The following APBA2 variants were observed in gnomAD, a reference collection of about 807,000 sequenced individuals.
APBA2 encodes amyloid-beta A4 precursor protein-binding family A member 2.
Under a neutral mutation model 75.0 loss-of-function variants are expected in APBA2, and 30 were observed. The ratio of observed to expected loss-of-function variants is 0.40; its 90% CI spans 0.30 to 0.54. APBA2 has a LOEUF of 0.54. APBA2 is among the 20% of genes least tolerant of loss of function. The pLI, the probability that APBA2 is intolerant of heterozygous loss-of-function variation, is 0.49. For missense variants in APBA2, 801 were observed against 1,016.1 expected, an observed-to-expected ratio of 0.79 and a Z score of 2.88; for synonymous variants, 444 against 409.6, an observed-to-expected ratio of 1.08 and a Z score of -1.01.
intron 4 of APBA2, among the ~76,000 whole-genome samples, chr15:29,069,097 A>G (rs1348856028): frequency 6.6e-6 from 1 of 152,356 alleles, no homozygotes; most frequent in Non-Finnish European, 1.5e-5. Flanking sequence ...TATTCCATAA[A>G]GATAGGATCA....
intron 1 of APBA2, among the ~76,000 whole-genome samples, chr15:28,890,968 A>T (rs146763594): frequency 6.6e-6 from 1 of 152,282 alleles, no homozygotes; most frequent in African/African-American, 2.4e-5. Context: ...GTTTTAATAT[A>T]AGGTGCTATG....
At chr15:29,114,139 C>T (rs2044909132) in intron 14 of APBA2, 123 bp downstream of exon 14, 3 of 1,413,234 alleles carry the variant, frequency 2.1e-6, no homozygotes, top group South Asian at 1.2e-5. Context: ...CTGTGTCTCC[C>T]ATCGGGGCTG....
intron 4 of APBA2, among the ~76,000 whole-genome samples, chr15:29,057,029 A>T (rs1182132767): frequency 6.6e-6 from 1 of 152,132 alleles, no homozygotes; most frequent in African/African-American, 2.4e-5. Flanking sequence ...CCAGGAGCCA[A>T]CAAAGGCCTG....
intron 6 of APBA2, among the ~76,000 whole-genome samples, chr15:29,082,369 G>C (rs1211794419): frequency 6.6e-6 from 1 of 152,160 alleles, no homozygotes. Flanking sequence ...CTACCTTTTT[G>C]TGTGTGTGGT....
chr15:29,098,355 A>G lies in APBA2; in HGVS notation c.1252-135A>G. 2.8e-6 allele frequency: 2 copies of G among 717,500 alleles called. 1 individual carries two copies. The highest frequency in any genetic ancestry group is 4.1e-5 in the Admixed American group (2 of 49,358). 44.4% of individuals were successfully genotyped at this position (717,500 alleles called of 1,614,324 possible). On this transcript the variant is annotated intron_variant, in intron 8 of 14. Coordinates refer to ENST00000683413, the MANE Select transcript of APBA2 (RefSeq NM_001353788.2). ...CGAGAGCCATTCTGACAGATATGAA[A>G]TGATATATTGTTGTGGTTTTAATTT...
intron 3 of APBA2, among the ~76,000 whole-genome samples, chr15:29,039,732 C>T (rs74007047): frequency 0.075 from 11,373 of 152,182 alleles, 1,420 homozygotes; most frequent in African/African-American, 0.26. Context: ...TCTGATTAAT[C>T]GAATGAAGTA....
chr15:29,073,778 T>G (rs1251696905), intron 4 of APBA2, among the ~76,000 whole-genome samples: 1 of 152,132 alleles, frequency 6.6e-6, no homozygotes, highest in Non-Finnish European at 1.5e-5. Context: ...CTCTGGGAGG[T>G]GGACAGGGAT....
At chr15:29,087,699 C>A (rs1054163767) in intron 6 of APBA2, among the ~76,000 whole-genome samples, 1 of 152,064 alleles carries the variant, frequency 6.6e-6, no homozygotes, top group African/African-American at 2.4e-5. Context: ...CTTGAGACGC[C>A]AGTTACACGA....
chr15:29,060,836 A>G (rs2042101295), intron 4 of APBA2, among the ~76,000 whole-genome samples: 1 of 152,076 alleles, frequency 6.6e-6, no homozygotes, highest in African/African-American at 2.4e-5. Flanking sequence ...GGGTCCAGCA[A>G]GGCTCGTATT....
rs1260819864 is a variant in APBA2, at chr15:29,054,837, TAGG to T, written c.951+4_951+6del. The T allele has an allele frequency of 6.3e-7, 1 of 1,596,688 alleles. No individual in the cohort carries two copies. On this transcript the variant is annotated splice_donor_5th_base_variant and intron_variant, in intron 4 of 14. Transcript: ENST00000683413. The surrounding 1 kb of genome is among the most constrained non-coding windows in gnomAD (Gnocchi z 6.1). ...AGGCTGAAGTGGCCCCACGAGCAGG[TAGG>T]ACCCTGGCTGTCCTGGGGAAGGGAG...
At chr15:29,044,602 C>A (rs1199740340) in intron 3 of APBA2, among the ~76,000 whole-genome samples, 1 of 151,732 alleles carries the variant, frequency 6.6e-6, no homozygotes, top group Non-Finnish European at 1.5e-5. Context: ...CCTGGCCACA[C>A]CCCCCCTGGG....
chr15:28,927,568 C>A (rs765575254), intron 2 of APBA2, among the ~76,000 whole-genome samples: 1 of 151,828 alleles, frequency 6.6e-6, no homozygotes, highest in Non-Finnish European at 1.5e-5. Context: ...CTGTTCCCCT[C>A]CCCAACCCAT....
At chr15:28,899,937 A>G (rs1162250783) in intron 1 of APBA2, among the ~76,000 whole-genome samples, 1 of 152,206 alleles carries the variant, frequency 6.6e-6, no homozygotes, top group African/African-American at 2.4e-5. Flanking sequence ...TTTGCGACAC[A>G]GTGGTGTGAA....
rs10604525 is a variant in APBA2 at position 29,023,441 on chromosome 15, CTTTTTTTTTTTTTTTT to C, written c.-41+27652_-41+27667del. 6.7e-4 allele frequency among the ~76,000 whole-genome samples: 49 copies of C among 73,304 alleles called. 2 individuals carry two copies. The highest frequency in any genetic ancestry group is 2.2e-3 in the Admixed American group (12 of 5,444). 48.1% of individuals were successfully genotyped at this position (73,304 alleles called of 152,430 possible). On this transcript the variant is annotated intron_variant, in intron 3 of 14. Transcript: ENST00000683413. ...ATTTGATGGCCATTATACCTTTTTCCTTTTTTTTTTTTTTTTTTTTTTTTTTTTTTTTGAGACAGAG... is the reference window on the plus strand; with the variant it reads ...ATTTGATGGCCATTATACCTTTTTCCTTTTTTTTTTTTTTTTGAGACAGAG...
intron 2 of APBA2, among the ~76,000 whole-genome samples, chr15:28,980,160 G>T (rs1235965320): frequency 6.6e-6 from 1 of 152,172 alleles, no homozygotes; most frequent in African/African-American, 2.4e-5. Flanking sequence ...AACCAGAAAA[G>T]ATCTGATTGA....
chr15:28,963,142 A>G (rs918459731), intron 2 of APBA2, among the ~76,000 whole-genome samples: 2 of 152,192 alleles, frequency 1.3e-5, no homozygotes, highest in Non-Finnish European at 2.9e-5. Flanking sequence ...TTAGCTGGTT[A>G]TCAGGTTCAT....
intron 5 of APBA2, 108 bp from the exon 6 acceptor site, chr15:29,075,947 G>A (rs936951055): frequency 3.1e-6 from 3 of 981,068 alleles, no homozygotes; most frequent in Admixed American, 1.7e-5. Flanking sequence ...CTCATGGGGG[G>A]TTTGCTTTTC....
At chr15:28,969,340 C>T (rs952675038) in intron 2 of APBA2, among the ~76,000 whole-genome samples, 1 of 151,976 alleles carries the variant, frequency 6.6e-6, no homozygotes, top group Non-Finnish European at 1.5e-5. Flanking sequence ...ACCACCAAGC[C>T]TGGCTAATTT....
chr15:28,903,894 A>AG (rs749933835), intron 1 of APBA2, among the ~76,000 whole-genome samples: 3 of 152,084 alleles, frequency 2.0e-5, no homozygotes, highest in Non-Finnish European at 2.9e-5. Flanking sequence ...CTTGTCCCTG[A>AG]GGAGGGACAA....
Sources: allele counts gnomAD v4.1 joint callset (sites outside exome capture counted in the v4.1 genomes callset), GRCh38; gene constraint gnomAD v4.1.1; non-coding constraint Gnocchi (gnomAD v3.1); transcripts MANE v1.5; gene names NCBI Gene and HGNC (gene_info 2026-07-23, HGNC 2026-07-21).